The following CDH12 variants were observed in gnomAD, a reference collection of about 807,000 sequenced individuals.
The protein encoded by CDH12 is cadherin-12.
In CDH12, 41 loss-of-function variants were observed where a neutral mutation model predicts 74.1. The ratio of observed to expected loss-of-function variants is 0.55; its 90% CI spans 0.43 to 0.72. CDH12 has a LOEUF of 0.72. CDH12 is among the 30% of genes least tolerant of loss of function. The pLI, the probability that CDH12 is intolerant of heterozygous loss-of-function variation, is 0.00. For synonymous variants in CDH12, 399 were observed against 355.0 expected (o/e 1.12, Z -1.39); for missense variants, 945 against 977.2 (o/e 0.97, Z 0.44).
At chr5:22,138,556 A>C (rs71609223) in intron 4 of CDH12, among the ~76,000 whole-genome samples, 1 of 150,974 alleles carries the variant, frequency 6.6e-6, no homozygotes, top group Non-Finnish European at 1.5e-5. Context: ...ATATTTATCA[A>C]AAGGTTATTT....
chr5:22,724,024 A>G (rs1744032842), intron 1 of CDH12, among the ~76,000 whole-genome samples: 1 of 151,762 alleles, frequency 6.6e-6, no homozygotes, highest in Non-Finnish European at 1.5e-5. Flanking sequence ...AAACTGAGGC[A>G]CAGAAAGATT....
chr5:22,490,540 C>T (rs1561443679), intron 2 of CDH12, among the ~76,000 whole-genome samples: 1 of 149,192 alleles, frequency 6.7e-6, no homozygotes, highest in African/African-American at 2.5e-5. Flanking sequence ...AAAAAATTCA[C>T]AAAGACAGAA....
At chr5:22,563,980 C>T (rs1448999632) in intron 1 of CDH12, among the ~76,000 whole-genome samples, 1 of 152,050 alleles carries the variant, frequency 6.6e-6, no homozygotes, top group Non-Finnish European at 1.5e-5. Flanking sequence ...ATGGGAGCTA[C>T]AAGATGAGAT....
At chr5:21,950,356 A>G (rs561002306) in intron 6 of CDH12, among the ~76,000 whole-genome samples, 5 of 152,264 alleles carry the variant, frequency 3.3e-5, no homozygotes, top group African/African-American at 1.2e-4. Context: ...AACACTATAA[A>G]TAAATTAAGA....
chr5:22,230,299 C>G (rs1458437166), intron 3 of CDH12, among the ~76,000 whole-genome samples: 2 of 152,032 alleles, frequency 1.3e-5, no homozygotes, highest in Non-Finnish European at 2.9e-5. Flanking sequence ...TGACTACTTT[C>G]CAGTACCACA....
intron 8 of CDH12, among the ~76,000 whole-genome samples, chr5:21,838,039 G>A (rs911033635): frequency 9.9e-5 from 15 of 152,094 alleles, no homozygotes; most frequent in African/African-American, 3.1e-4. Flanking sequence ...ACAGATAAAG[G>A]AAACTAATAA....
chr5:22,355,480 C>A (rs916456102), intron 3 of CDH12, among the ~76,000 whole-genome samples: 10 of 145,952 alleles, frequency 6.9e-5, no homozygotes, highest in African/African-American at 2.3e-4. Flanking sequence ...AACACCCAGA[C>A]TATTTTTGAA....
At chr5:21,816,624 CAAAAAAAAAAAAAAA>C (rs542222336) in intron 9 of CDH12, among the ~76,000 whole-genome samples, 54 of 17,958 alleles carry the variant, frequency 3.0e-3, no homozygotes, top group African/African-American at 7.0e-3. Context: ...AACTCCATCT[CAAAAAAAAAAAAAAA>C]AAAAAAAAAA....
chr5:22,624,541 CA>C (rs1193853338), intron 1 of CDH12, among the ~76,000 whole-genome samples: 4 of 152,074 alleles, frequency 2.6e-5, no homozygotes, highest in Non-Finnish European at 4.4e-5. Context: ...TTTATGTAGC[CA>C]ACAGACACAT....
chr5:21,978,537 G>T (rs2963527), intron 5 of CDH12, among the ~76,000 whole-genome samples: 12 of 151,920 alleles, frequency 7.9e-5, no homozygotes, highest in Admixed American at 2.0e-4. Context: ...TTATATTGAT[G>T]TATATTTCTC....
chr5:22,803,071 C>T (rs1018905520), intron 1 of CDH12, among the ~76,000 whole-genome samples: 3 of 152,102 alleles, frequency 2.0e-5, no homozygotes, highest in Non-Finnish European at 4.4e-5. Context: ...ATCAACTTTC[C>T]CACTTACCAT....
chr5:22,765,662 G>T (rs1746471367), intron 1 of CDH12, among the ~76,000 whole-genome samples: 1 of 151,844 alleles, frequency 6.6e-6, no homozygotes, highest in Admixed American at 6.6e-5. Flanking sequence ...GCGTTTTTGT[G>T]ATATTCCATC....
intron 3 of CDH12, among the ~76,000 whole-genome samples, chr5:22,220,838 T>G (rs535454532): frequency 6.6e-6 from 1 of 151,898 alleles, no homozygotes; most frequent in African/African-American, 2.4e-5. Flanking sequence ...TACCAATGCC[T>G]TAGGGTTGAC....
At chr5:22,831,360 T>C (rs1042013761) in intron 1 of CDH12, among the ~76,000 whole-genome samples, 2 of 136,772 alleles carry the variant, frequency 1.5e-5, no homozygotes, top group Non-Finnish European at 3.1e-5. Flanking sequence ...TTTGTGTGTG[T>C]GTGTGTGTGT....
At chr5:22,629,868 C>G (rs1738492927) in intron 1 of CDH12, among the ~76,000 whole-genome samples, 1 of 152,056 alleles carries the variant, frequency 6.6e-6, no homozygotes, top group South Asian at 2.1e-4. Flanking sequence ...CCCATAGTCT[C>G]TGCCTAAAAG....
At chr5:22,207,267 A>G (rs1751276199) in intron 4 of CDH12, among the ~76,000 whole-genome samples, 1 of 152,022 alleles carries the variant, frequency 6.6e-6, no homozygotes, top group Admixed American at 6.6e-5. Flanking sequence ...CCAAATATTC[A>G]TTATGCTGAT....
At chr5:22,048,997 T>A (rs1740159187) in intron 5 of CDH12, among the ~76,000 whole-genome samples, 1 of 152,136 alleles carries the variant, frequency 6.6e-6, no homozygotes, top group Admixed American at 6.6e-5. Flanking sequence ...TTATGAGTTA[T>A]ACATTATAAA....
chr5:22,118,842 C>G (rs971784304), intron 4 of CDH12, among the ~76,000 whole-genome samples: 3 of 151,868 alleles, frequency 2.0e-5, no homozygotes, highest in African/African-American at 7.3e-5. Context: ...TTCTTATTAC[C>G]CTAATTGCTT....
chr5:22,644,876 A>G (rs1739354991), intron 1 of CDH12, among the ~76,000 whole-genome samples: 2 of 152,128 alleles, frequency 1.3e-5, no homozygotes, highest in East Asian at 1.9e-4. Context: ...GAACTATTTT[A>G]ATTCTACTCT....
Sources: allele counts gnomAD v4.1 joint callset (sites outside exome capture counted in the v4.1 genomes callset), GRCh38; gene constraint gnomAD v4.1.1; transcripts MANE v1.5; gene names NCBI Gene and HGNC (gene_info 2026-07-23, HGNC 2026-07-21).